Variants in COG5 observed in about 807,000 individuals in gnomAD.
COG5 encodes component of oligomeric golgi complex 5.
Under a neutral mutation model 110.4 loss-of-function variants are expected in COG5, and 86 were observed. The ratio of observed to expected loss-of-function variants is 0.78; its 90% confidence interval spans 0.65 to 0.93. COG5 has a LOEUF of 0.93. COG5 is among the 40% of genes least tolerant of loss of function. COG5 has a pLI of 0.00. For synonymous variants in COG5, 360 were observed against 334.6 expected, an observed-to-expected ratio of 1.08 and a Z score of -0.83; for missense variants, 1,077 against 987.0, an observed-to-expected ratio of 1.09 and a Z score of -1.22.
chr7:107,324,862 G>C (rs1809629818), intron 10 of COG5, among the ~76,000 whole-genome samples: 1 of 151,942 alleles, frequency 6.6e-6, no homozygotes, highest in South Asian at 2.1e-4. Context: ...TAAAAGTCTT[G>C]GGACAATGCC....
At chr7:107,518,690 G>A (rs1230054931) in intron 6 of COG5, among the ~76,000 whole-genome samples, 1 of 152,144 alleles carries the variant, frequency 6.6e-6, no homozygotes, top group Non-Finnish European at 1.5e-5. Context: ...AAGAGACTCA[G>A]ACTCCCACAC....
intron 5 of COG5, among the ~76,000 whole-genome samples, chr7:107,546,428 G>GTTTTTTTT (rs946384915): frequency 8.5e-6 from 1 of 117,106 alleles, no homozygotes; most frequent in African/African-American, 2.8e-5. Flanking sequence ...TTGTGTTTTG[G>GTTTTTTTT]TTTTTTGTTT....
Position 107,412,582 on chromosome 7 carries a change from C to A in COG5, c.589G>T (p.Asp197Tyr). The change falls in exon 7 of 22, where the codon GAT becomes TAT. Residue 197 changes from aspartate (D) to tyrosine (Y), a missense_variant. By Grantham distance (160) the Asp-to-Tyr change is radical. Coordinates refer to ENST00000297135, the MANE Select transcript of COG5 (RefSeq NM_006348.5). Reference sequence around the variant, plus strand: ...CGGGCTCTTGCAATAAAAAGTAGATCATTTTCTATCACTTCTATTCCAGAA... The same window carrying A: ...CGGGCTCTTGCAATAAAAAGTAGATAATTTTCTATCACTTCTATTCCAGAA... ...DLSGIEVIEN[D>Y]LLFIARARLE... 6.3e-7 allele frequency: 1 copy of A among 1,593,894 alleles called. No individual in the cohort carries two copies. The highest frequency in any genetic ancestry group is 1.3e-5 in the African/African-American group (1 of 74,510).
chr7:107,353,194 G>A (rs1479368012), intron 10 of COG5, among the ~76,000 whole-genome samples: 3 of 152,108 alleles, frequency 2.0e-5, no homozygotes, highest in Non-Finnish European at 4.4e-5. Flanking sequence ...GGGAGGCCGA[G>A]GTGGGCGGAT....
At chr7:107,507,468 T>A (rs11978050) in intron 6 of COG5, among the ~76,000 whole-genome samples, 3 of 118,558 alleles carry the variant, frequency 2.5e-5, no homozygotes, top group African/African-American at 1.0e-4. Flanking sequence ...TAATTTTTTG[T>A]ATTTTTTTTT....
rs778766634 is a variant in COG5 at position 107,298,095 on chromosome 7, A to C, written c.1313+47T>G. On this transcript the variant is annotated intron_variant, in intron 12 of 21. Transcript: ENST00000297135. The stretch of plus-strand genomic sequence containing the variant: ...AAATAAAAGATAAAATTTAAAATAA[A>C]AATAAAATTAAGATGCCAACTAACA... The C allele has an allele frequency of 1.7e-5, 16 of 916,274 alleles. 1 individual carries two copies. Among genetic ancestry groups the C allele is most frequent in the Non-Finnish European group, 2.5e-5 (16 of 640,530 alleles). 56.8% of individuals were successfully genotyped at this position (916,274 alleles called of 1,614,324 possible). A position where few individuals can be genotyped will look rare whatever the true frequency, so the allele number is the denominator to read the frequency against.
intron 6 of COG5, among the ~76,000 whole-genome samples, chr7:107,460,368 G>C (rs1795914440): frequency 6.6e-6 from 1 of 151,886 alleles, no homozygotes; most frequent in Non-Finnish European, 1.5e-5. Context: ...GTACCACCCT[G>C]GGTGAGAGAG....
At chr7:107,511,871 A>T (rs1584916338) in intron 6 of COG5, among the ~76,000 whole-genome samples, 1 of 152,222 alleles carries the variant, frequency 6.6e-6, no homozygotes, top group African/African-American at 2.4e-5. Context: ...ACTCTCAATA[A>T]ATTAGGTATT....
intron 11 of COG5, among the ~76,000 whole-genome samples, chr7:107,301,256 T>C (rs948633111): frequency 6.6e-6 from 1 of 152,108 alleles, no homozygotes; most frequent in Non-Finnish European, 1.5e-5. Context: ...ATTGATAAAC[T>C]GGACAACATC....
intron 19 of COG5, among the ~76,000 whole-genome samples, chr7:107,220,913 G>C (rs1799878441): frequency 6.6e-6 from 1 of 151,352 alleles, no homozygotes; most frequent in African/African-American, 2.4e-5. Flanking sequence ...TGCCTCCCAG[G>C]TTCAAGCGAT....
chr7:107,300,699 C>T (rs1402856376), intron 11 of COG5, among the ~76,000 whole-genome samples: 1 of 152,044 alleles, frequency 6.6e-6, no homozygotes. Context: ...AGAGAATATT[C>T]ACAGTTCCAA....
chr7:107,210,985 A>G, intron 20 of COG5, 114 bp downstream of exon 20: 1 of 1,213,264 alleles, frequency 8.2e-7, no homozygotes, highest in Non-Finnish European at 1.2e-6. Flanking sequence ...GATAGACATA[A>G]GCAACTAAAC....
chr7:107,240,427 G>A lies in COG5; in HGVS notation c.1854-3740C>T, dbSNP rs187751361. 3.6e-3 allele frequency among the ~76,000 whole-genome samples: 555 copies of A among 152,252 alleles called. 13 individuals carry two copies. The highest frequency in any genetic ancestry group is 2.4e-3 in the Admixed American group (37 of 15,308). ...GACAGGGTTTCACCATGTTGGCCAG[G>A]CTGGTCTCAAACTCCTGACCTCAAG... On this transcript the variant is annotated intron_variant, in intron 17 of 21. Coordinates refer to ENST00000297135, the MANE Select transcript of COG5 (RefSeq NM_006348.5).
At chr7:107,556,039 G>A (rs1005248453) in intron 2 of COG5, among the ~76,000 whole-genome samples, 4 of 151,716 alleles carry the variant, frequency 2.6e-5, no homozygotes, top group African/African-American at 9.7e-5. Flanking sequence ...AAAGGAGAGA[G>A]GAAAGCTTAC....
chr7:107,546,844 T>C (rs1230792306), intron 5 of COG5, among the ~76,000 whole-genome samples: 1 of 152,096 alleles, frequency 6.6e-6, no homozygotes, highest in East Asian at 1.9e-4. Context: ...AACAAAATCT[T>C]AACAGATCAA....
intron 6 of COG5, among the ~76,000 whole-genome samples, chr7:107,527,017 G>A (rs946279015): frequency 2.6e-5 from 4 of 151,822 alleles, no homozygotes; most frequent in Non-Finnish European, 5.9e-5. Flanking sequence ...ATATGAAAAA[G>A]GACAATTTTA....
chr7:107,338,882 C>T (rs1810936779), intron 10 of COG5, among the ~76,000 whole-genome samples: 1 of 152,060 alleles, frequency 6.6e-6, no homozygotes, highest in Non-Finnish European at 1.5e-5. Flanking sequence ...GGAGTTCTAA[C>T]CATGGAAATG....
chr7:107,342,528 A>G (rs1811255619), intron 10 of COG5, among the ~76,000 whole-genome samples: 1 of 152,042 alleles, frequency 6.6e-6, no homozygotes, highest in African/African-American at 2.4e-5. Context: ...AAGTACAAAA[A>G]TTAGCTGGGC....
intron 5 of COG5, among the ~76,000 whole-genome samples, chr7:107,545,200 GA>G (rs1369219896): frequency 6.6e-6 from 1 of 152,108 alleles, no homozygotes; most frequent in Non-Finnish European, 1.5e-5. Flanking sequence ...AGAGAGAGAA[GA>G]AAGTTTATTT....
Sources: allele counts gnomAD v4.1 joint callset (sites outside exome capture counted in the v4.1 genomes callset), GRCh38; gene constraint gnomAD v4.1.1; transcripts MANE v1.5; gene names NCBI Gene and HGNC (gene_info 2026-07-23, HGNC 2026-07-21).